TANC2: variants seen among roughly 807,000 people sequenced by gnomAD.
The protein encoded by TANC2 is protein TANC2.
A neutral mutation model predicts 210.5 loss-of-function variants in TANC2; 26 were observed. The observed-to-expected ratio is 0.12, with a 90% CI of 0.09 to 0.17. The LOEUF is 0.17. TANC2 is among the 10% of genes least tolerant of loss of function. TANC2 has a pLI of 1.00. For missense variants in TANC2, 2,129 were observed against 2,608.9 expected (o/e 0.82, Z 4.01); for synonymous variants, 931 against 967.1 (o/e 0.96, Z 0.69).
At chr17:63,382,961 T>A (rs2047661121) in intron 15 of TANC2, among the ~76,000 whole-genome samples, 1 of 152,250 alleles carries the variant, frequency 6.6e-6, no homozygotes, top group African/African-American at 2.4e-5. Context: ...CTTGCAGAGT[T>A]TTTTTAAAAA....
At chr17:63,070,715 T>C (rs1291035921) in intron 2 of TANC2, among the ~76,000 whole-genome samples, 2 of 152,208 alleles carry the variant, frequency 1.3e-5, no homozygotes, top group East Asian at 1.9e-4. Flanking sequence ...ATATAAATTA[T>C]ATGAAATGAA....
chr17:63,330,298 A>T (rs1267186745), intron 11 of TANC2, among the ~76,000 whole-genome samples: 1 of 152,246 alleles, frequency 6.6e-6, no homozygotes, highest in East Asian at 1.9e-4. Flanking sequence ...GTGAAGCAGT[A>T]CGTGCTGATA....
chr17:63,290,654 A>G (rs184251207), intron 9 of TANC2, among the ~76,000 whole-genome samples: 12 of 151,516 alleles, frequency 7.9e-5, no homozygotes, highest in East Asian at 7.8e-4. Context: ...CTTAAAACCT[A>G]TTGTTTCATA....
rs2047327559 is a variant in TANC2, at chr17:63,373,326, C to T, written c.2583-6392C>T. Among the ~76,000 whole-genome samples the T allele has an allele frequency of 2.0e-5, 3 of 152,132 alleles. No homozygotes were observed. The South Asian group carries it at 6.2e-4, about 32-fold the overall frequency. On this transcript the variant is annotated intron_variant, in intron 14 of 27. Transcript: ENST00000689528. ...TCTCAAAATGCCAATCAAAAAGTGTCAAAATCATGGTTGCTGATTTTAATT... is the reference window on the plus strand; with the variant it reads ...TCTCAAAATGCCAATCAAAAAGTGTTAAAATCATGGTTGCTGATTTTAATT...
At chr17:63,348,448 G>C (rs535157796) in intron 12 of TANC2, among the ~76,000 whole-genome samples, 71 of 152,284 alleles carry the variant, frequency 4.7e-4, no homozygotes, top group African/African-American at 1.6e-3. Context: ...TTAGTGACTT[G>C]TCACCTAGAG....
At chr17:63,342,523 TC>T (rs1265739615) in intron 12 of TANC2, among the ~76,000 whole-genome samples, 1 of 152,172 alleles carries the variant, frequency 6.6e-6, no homozygotes, top group Non-Finnish European at 1.5e-5. Context: ...AGACTATCCA[TC>T]CCAGCACTTT....
At chr17:63,133,076 C>T (rs1277907788) in intron 4 of TANC2, among the ~76,000 whole-genome samples, 1 of 152,140 alleles carries the variant, frequency 6.6e-6, no homozygotes, top group Non-Finnish European at 1.5e-5. Context: ...TGGGTTCAAG[C>T]GATTCTCCTG....
At chr17:63,142,476 T>C (rs1044177735) in intron 4 of TANC2, among the ~76,000 whole-genome samples, 6 of 152,270 alleles carry the variant, frequency 3.9e-5, no homozygotes, top group Admixed American at 1.3e-4. Flanking sequence ...TGATAGTTCA[T>C]GTTTTGCTGT....
At chr17:63,194,267 T>C (rs1408411308) in intron 6 of TANC2, 128 bp downstream of exon 6, 5 of 1,037,040 alleles carry the variant, frequency 4.8e-6, no homozygotes, top group Non-Finnish European at 6.6e-6. Flanking sequence ...CACTATTATT[T>C]CTTCAGTTTA....
chr17:63,367,734 A>G (rs888140377), intron 14 of TANC2, among the ~76,000 whole-genome samples: 1 of 152,212 alleles, frequency 6.6e-6, no homozygotes, highest in Admixed American at 6.5e-5. Context: ...GAGTGAGAAC[A>G]TATGAAATGC....
intron 1 of TANC2, among the ~76,000 whole-genome samples, chr17:62,981,517 C>G (rs2032299710): frequency 6.6e-6 from 1 of 152,162 alleles, no homozygotes; most frequent in Non-Finnish European, 1.5e-5. Context: ...AAGTCTCTAG[C>G]TTTGTATCTC....
rs555618283 is a variant in TANC2 at position 63,259,874 on chromosome 17, T to C, written c.1034-7874T>C. 1.6e-4 allele frequency among the ~76,000 whole-genome samples: 24 copies of C among 152,322 alleles called. No homozygotes were observed. The South Asian group carries it at 5.0e-3, about 32-fold the overall frequency. ...CAGCTTAAAAAGTACCCTATAATTA[T>C]TTTTATTTTCTTATGAAAAATAGTG... On this transcript the variant is annotated intron_variant, in intron 8 of 27. Transcript: ENST00000689528.
At chr17:63,013,086 G>A (rs1422249752) in intron 2 of TANC2, among the ~76,000 whole-genome samples, 1 of 150,598 alleles carries the variant, frequency 6.6e-6, no homozygotes, top group African/African-American at 2.4e-5. Context: ...TAAGAGATGG[G>A]GTCTCTCTTT....
intron 18 of TANC2, 96 bp from the exon 19 acceptor site, chr17:63,398,725 A>G: frequency 4.0e-6 from 3 of 747,644 alleles, no homozygotes; most frequent in Non-Finnish European, 6.6e-6. Context: ...ATTTAGTGAT[A>G]CTTGGATCAT....
At chr17:63,199,236 G>T (rs373601730) in intron 6 of TANC2, among the ~76,000 whole-genome samples, 1 of 152,040 alleles carries the variant, frequency 6.6e-6, no homozygotes, top group African/African-American at 2.4e-5. Flanking sequence ...GAAGTTGAAA[G>T]GCTTCTTTTA....
At chr17:63,411,904 A>C in intron 22 of TANC2, 94 bp from the exon 23 acceptor site, 1 of 1,545,136 alleles carries the variant, frequency 6.5e-7, no homozygotes, top group Non-Finnish European at 8.8e-7. Flanking sequence ...GTAGGCCAGC[A>C]GTTGAAAAAG....
At position 63,009,638 on chromosome 17, in the gene TANC2, T is replaced by TA. The variant is rs750844016; in HGVS notation, c.67+12_67+13insA. The stretch of plus-strand genomic sequence containing the variant: ...AAACAGGTCAAGTGGTAAGTGACTA[T>TA]GCTACATTTATTGTGCGTGATATTT... On this transcript the variant is annotated intron_variant, in intron 2 of 27. Coordinates refer to ENST00000689528, the Ensembl canonical transcript of TANC2. 1 of 1,610,554 alleles carries TA rather than the reference T, an allele frequency of 6.2e-7. No homozygotes were observed. Among genetic ancestry groups the TA allele is most frequent in the South Asian group, 1.1e-5 (1 of 90,922 alleles).
chr17:63,109,825 G>A (rs2037965942), intron 4 of TANC2, among the ~76,000 whole-genome samples: 1 of 151,596 alleles, frequency 6.6e-6, no homozygotes, highest in African/African-American at 2.4e-5. Flanking sequence ...TTACATGGAT[G>A]GAAATGTCCT....
At chr17:63,007,401 T>C (rs974205759) in intron 1 of TANC2, among the ~76,000 whole-genome samples, 1 of 152,232 alleles carries the variant, frequency 6.6e-6, no homozygotes, top group African/African-American at 2.4e-5. Context: ...CCTGTCATTT[T>C]GCATTCAGTT....
Sources: gnomAD v4.1 joint callset for allele counts (sites outside exome capture counted in the v4.1 genomes callset) on GRCh38, gnomAD v4.1.1 for gene constraint, MANE v1.5 for transcripts, NCBI Gene and HGNC (gene_info 2026-07-23, HGNC 2026-07-21) for gene names.